PTPRD: variants seen among roughly 807,000 people sequenced by gnomAD.
The protein encoded by PTPRD is protein tyrosine phosphatase receptor type D.
Under a neutral mutation model 214.5 loss-of-function variants are expected in PTPRD, and 34 were observed. The observed-to-expected ratio is 0.16, with a 90% confidence interval of 0.12 to 0.21. The LOEUF is 0.21. Ranked by LOEUF, PTPRD falls within the 10% of genes least tolerant of loss-of-function variation. PTPRD has a pLI of 1.00. For synonymous variants in PTPRD, 1,128 were observed against 845.7 expected (o/e 1.33, Z -5.79); for missense variants, 2,545 against 2,398.7 (o/e 1.06, Z -1.27).
chr9:8,831,396 T>G (rs1476280169), intron 11 of PTPRD, among the ~76,000 whole-genome samples: 1 of 152,058 alleles, frequency 6.6e-6, no homozygotes, highest in East Asian at 1.9e-4. Flanking sequence ...TACACCATTA[T>G]GAAACTGCAT....
At chr9:10,261,257 C>G (rs1244502525) in intron 3 of PTPRD, among the ~76,000 whole-genome samples, 12 of 151,548 alleles carry the variant, frequency 7.9e-5, no homozygotes, top group Admixed American at 7.9e-4. Flanking sequence ...TCAAATGAAT[C>G]TTAGAATTCA....
At chr9:8,438,172 G>C (rs2095423567) in intron 34 of PTPRD, among the ~76,000 whole-genome samples, 1 of 152,148 alleles carries the variant, frequency 6.6e-6, no homozygotes, top group Non-Finnish European at 1.5e-5. Context: ...ACTACTTTAA[G>C]AGCATTTTAG....
chr9:9,818,915 C>CAAA (rs58616042), intron 5 of PTPRD, among the ~76,000 whole-genome samples: 11 of 89,288 alleles, frequency 1.2e-4, no homozygotes, highest in African/African-American at 2.1e-4. Context: ...GACACTGTCT[C>CAAA]AAAAAAAAAA....
At chr9:8,351,024 A>G (rs2075296988) in intron 39 of PTPRD, among the ~76,000 whole-genome samples, 1 of 152,178 alleles carries the variant, frequency 6.6e-6, no homozygotes, top group South Asian at 2.1e-4. Context: ...AAGAGATTTT[A>G]TTGTAGCATT....
At chr9:8,421,211 C>T (rs973995354) in intron 35 of PTPRD, among the ~76,000 whole-genome samples, 2 of 152,154 alleles carry the variant, frequency 1.3e-5, no homozygotes, top group Non-Finnish European at 2.9e-5. Flanking sequence ...AACTAGACTC[C>T]TCCTTCTTTC....
intron 7 of PTPRD, among the ~76,000 whole-genome samples, chr9:9,581,162 T>G (rs563104028): frequency 4.6e-5 from 7 of 152,258 alleles, no homozygotes; most frequent in Non-Finnish European, 7.4e-5. Context: ...CTTCTAGTCT[T>G]ACAACTCTAA....
chr9:10,051,930 T>C (rs291253), intron 3 of PTPRD, among the ~76,000 whole-genome samples: 6,833 of 152,144 alleles, frequency 0.045, 541 homozygotes, highest in African/African-American at 0.16. Flanking sequence ...CTTAATTAAT[T>C]ATTTAGGCTC....
chr9:8,352,235 G>A (rs575158711), intron 39 of PTPRD, among the ~76,000 whole-genome samples: 33 of 152,190 alleles, frequency 2.2e-4, no homozygotes, highest in African/African-American at 6.3e-4. Context: ...ATGTGTTCGC[G>A]TAAAGAACAC....
At chr9:8,905,837 C>A (rs1302101468) in intron 11 of PTPRD, among the ~76,000 whole-genome samples, 1 of 152,006 alleles carries the variant, frequency 6.6e-6, no homozygotes, top group Non-Finnish European at 1.5e-5. Flanking sequence ...AGGATATTTC[C>A]CAATCCAACG....
Position 10,135,779 on chromosome 9 carries a change from TTAA to T in PTPRD, c.-544-101992_-544-101990del, listed in dbSNP as rs2098938313. On this transcript the variant is annotated intron_variant, in intron 3 of 45. Transcript: ENST00000381196. ...AGTGCCTGCTATCATGAAAACACAC[TTAA>T]GTACATTTCAGGCAGACACTATAAA... 2.6e-5 allele frequency among the ~76,000 whole-genome samples: 4 copies of T among 151,738 alleles called. No individual in the cohort carries two copies. In the South Asian group the frequency reaches 8.3e-4, roughly 32 times the overall value.
intron 3 of PTPRD, among the ~76,000 whole-genome samples, chr9:10,102,258 A>G (rs964527196): frequency 1.3e-5 from 2 of 151,610 alleles, no homozygotes; most frequent in South Asian, 2.1e-4. Context: ...AAGATATTTC[A>G]TCTAAAATTT....
At position 10,592,076 on chromosome 9, in the gene PTPRD, C is replaced by G. The variant is rs185681433; in HGVS notation, c.-600+20322G>C. 5.5e-4 allele frequency among the ~76,000 whole-genome samples: 83 copies of G among 152,178 alleles called. 1 individual carries two copies. The highest frequency in any genetic ancestry group is 1.8e-3 in the African/African-American group (75 of 41,550). ...CAGCAACAGATAAATAACAGAAGGC[C>G]TAACCTAGAACAAAACACAGAAACT... On this transcript the variant is annotated intron_variant, in intron 2 of 45. Transcript: ENST00000381196.
rs139478736 is a variant in PTPRD, at chr9:8,566,100, ATGTGTGTGTGTGTG to A, written c.353-37335_353-37322del. Among the ~76,000 whole-genome samples, 785 of 137,918 alleles carry A rather than the reference ATGTGTGTGTGTGTG, an allele frequency of 5.7e-3. 2 individuals are homozygous for A. The highest frequency in any genetic ancestry group is 0.024 in the Middle Eastern group (6 of 254). The allele number at this position is 137,918 out of a possible 152,430, so 90.5% of individuals were successfully genotyped here. ...AAAAGATATATACTGAATGCAAAAT[ATGTGTGTGTGTGTG>A]TGTGTGTGTGTGTGTGTGTGTGTGT... On this transcript the variant is annotated intron_variant, in intron 14 of 45. Coordinates refer to ENST00000381196, the MANE Select transcript of PTPRD (RefSeq NM_002839.4).
chr9:8,882,692 C>G (rs112596165), intron 11 of PTPRD, among the ~76,000 whole-genome samples: 1 of 151,818 alleles, frequency 6.6e-6, no homozygotes, highest in Non-Finnish European at 1.5e-5. Context: ...TGAGACCAGC[C>G]TGGCCGACAT....
chr9:9,072,508 T>C (rs1174285002), intron 10 of PTPRD, among the ~76,000 whole-genome samples: 2 of 152,210 alleles, frequency 1.3e-5, no homozygotes, highest in African/African-American at 2.4e-5. Context: ...AAGATTAAGA[T>C]GCTTTTATGA....
At chr9:9,014,850 CT>C (rs2099527758) in intron 11 of PTPRD, among the ~76,000 whole-genome samples, 1 of 152,088 alleles carries the variant, frequency 6.6e-6, no homozygotes, top group Non-Finnish European at 1.5e-5. Flanking sequence ...TCCAAAATCA[CT>C]TTTTCAACAT....
chr9:8,922,071 T>A (rs2098831818), intron 11 of PTPRD, among the ~76,000 whole-genome samples: 1 of 152,222 alleles, frequency 6.6e-6, no homozygotes. Context: ...ATTCATACTG[T>A]TAACAGGCAG....
At chr9:9,955,965 G>A (rs553461084) in intron 4 of PTPRD, among the ~76,000 whole-genome samples, 2 of 152,226 alleles carry the variant, frequency 1.3e-5, no homozygotes, top group South Asian at 4.2e-4. Context: ...TATAACAGGA[G>A]TGGTGGGGGG....
intron 3 of PTPRD, among the ~76,000 whole-genome samples, chr9:10,261,564 T>G (rs769105468): frequency 2.0e-5 from 3 of 151,622 alleles, no homozygotes; most frequent in Non-Finnish European, 2.9e-5. Context: ...ATAGAGAGAG[T>G]TGGCATTTAA....
Sources: gnomAD v4.1 joint callset for allele counts (sites outside exome capture counted in the v4.1 genomes callset) on GRCh38, gnomAD v4.1.1 for gene constraint, MANE v1.5 for transcripts, NCBI Gene and HGNC (gene_info 2026-07-23, HGNC 2026-07-21) for gene names.